WDR4: variants seen among roughly 807,000 people sequenced by gnomAD.
WDR4 encodes tRNA (guanine-N(7)-)-methyltransferase non-catalytic subunit WDR4.
Under a neutral mutation model 48.6 loss-of-function variants are expected in WDR4, and 47 were observed. The ratio of observed to expected loss-of-function variants is 0.97; its 90% CI spans 0.77 to 1.23. WDR4 has a LOEUF of 1.23. WDR4 is among the 50% of genes most tolerant of loss of function. WDR4 has a pLI of 0.00. For synonymous variants in WDR4, 268 were observed against 230.0 expected, an observed-to-expected ratio of 1.17 and a Z score of -1.49; for missense variants, 606 against 551.6, an observed-to-expected ratio of 1.10 and a Z score of -0.99.
At position 42,879,535 on chromosome 21, in the gene WDR4, A is replaced by G; in HGVS notation, c.-40T>C. 5 of 1,608,842 alleles carry G rather than the reference A, an allele frequency of 3.1e-6. No individual in the cohort carries two copies. The South Asian group carries it at 3.3e-5, about 11-fold the overall frequency. ...CACCGCCATACACATGTGCCAGCCC[A>G]GAGCCTCTTCCTGTCCGCACCGGTC... On this transcript the variant is annotated 5_prime_UTR_variant, in exon 1 of 11. Transcript: ENST00000398208.
In WDR4 at chr21:42,873,701, AGAG is replaced by A. The variant is rs1415318395; in HGVS notation, c.156-13_156-11del. ...CAAGGGCGCGTCCTCCCTGAGGAAGAGAGGAGGAAGACGGTTAAGCTTCACCTA... is the reference window on the plus strand; with the variant it reads ...CAAGGGCGCGTCCTCCCTGAGGAAGAGAGGAAGACGGTTAAGCTTCACCTA... On this transcript the variant is annotated splice_polypyrimidine_tract_variant and intron_variant, in intron 2 of 10. Coordinates refer to ENST00000398208, the MANE Select transcript of WDR4 (RefSeq NM_018669.6). The A allele has an allele frequency of 6.2e-7, 1 of 1,611,880 alleles. No homozygotes were observed. Among genetic ancestry groups the A allele is most frequent in the Non-Finnish European group, 8.5e-7 (1 of 1,178,758 alleles).
At chr21:42,869,870 G>T (rs1383979926) in intron 3 of WDR4, among the ~76,000 whole-genome samples, 2 of 151,808 alleles carry the variant, frequency 1.3e-5, no homozygotes, top group African/African-American at 2.4e-5. Context: ...AAAATTAGCC[G>T]GTCGTGGTGG....
At chr21:42,863,179 G>A (rs1164544737) in intron 4 of WDR4, among the ~76,000 whole-genome samples, 1 of 152,074 alleles carries the variant, frequency 6.6e-6, no homozygotes, top group African/African-American at 2.4e-5. Flanking sequence ...CCACTCCCCT[G>A]CTCCCAAATC....
chr21:42,853,418 C>A, intron 9 of WDR4, 151 bp downstream of exon 9: 1 of 926,646 alleles, frequency 1.1e-6, no homozygotes, highest in East Asian at 2.7e-5. Context: ...GAAGCCCCAG[C>A]CACTGCCATT....
chr21:42,844,389 A>G (rs894314140), downstream of WDR4, among the ~76,000 whole-genome samples: 2 of 152,230 alleles, frequency 1.3e-5, no homozygotes, highest in Non-Finnish European at 1.5e-5. Flanking sequence ...ATACATGATG[A>G]CTATCATGTA....
In WDR4 at chr21:42,852,332, C is replaced by T. The variant is rs765997179; in HGVS notation, c.976-8G>A. 19 of 1,613,606 alleles carry T rather than the reference C, an allele frequency of 1.2e-5. No homozygotes were observed. The highest frequency in any genetic ancestry group is 9.3e-5 in the African/African-American group (7 of 74,928). On this transcript the variant is annotated splice_region_variant and splice_polypyrimidine_tract_variant and intron_variant, in intron 9 of 10. Transcript: ENST00000398208. ...GGTGCTCTCAGGAACAGACTGCAGGCGACAAACAGGAAATCTTCATCAGAA... is the reference window on the plus strand; with the variant it reads ...GGTGCTCTCAGGAACAGACTGCAGGTGACAAACAGGAAATCTTCATCAGAA...
At chr21:42,853,876 C>T in intron 8 of WDR4, 124 bp from the exon 9 acceptor site, 1 of 1,044,546 alleles carries the variant, frequency 9.6e-7, no homozygotes, top group African/African-American at 1.6e-5. Flanking sequence ...CGCTGAAAGC[C>T]CCAGCTGCGC....
At chr21:42,864,629 CAG>C (rs1288310695) in intron 3 of WDR4, among the ~76,000 whole-genome samples, 1 of 152,188 alleles carries the variant, frequency 6.6e-6, no homozygotes, top group African/African-American at 2.4e-5. Context: ...AACCCCGACC[CAG>C]AGTCATGGAT....
At position 42,852,330 on chromosome 21, in the gene WDR4, G is replaced by T. The variant is rs552794588; in HGVS notation, c.976-6C>A. On this transcript the variant is annotated splice_region_variant and splice_polypyrimidine_tract_variant and intron_variant, in intron 9 of 10. Coordinates refer to ENST00000398208, the MANE Select transcript of WDR4 (RefSeq NM_018669.6). ...ACGGTGCTCTCAGGAACAGACTGCAGGCGACAAACAGGAAATCTTCATCAG... is the reference window on the plus strand; with the variant it reads ...ACGGTGCTCTCAGGAACAGACTGCATGCGACAAACAGGAAATCTTCATCAG... The T allele has an allele frequency of 6.2e-7, 1 of 1,613,868 alleles. No homozygotes were observed. Among genetic ancestry groups the T allele is most frequent in the South Asian group, 1.1e-5 (1 of 90,980 alleles).
At chr21:42,892,088 C>T in the WDR4 span, among the ~76,000 whole-genome samples, 3 of 150,340 alleles carry the variant, frequency 2.0e-5, no homozygotes, top group African/African-American at 7.4e-5. Context: ...CCTGTCTCTA[C>T]TAAAAATTAC....
chr21:42,883,192 T>C (rs562424150), upstream of WDR4, among the ~76,000 whole-genome samples: 8 of 150,242 alleles, frequency 5.3e-5, no homozygotes, highest in East Asian at 1.9e-4. Context: ...CGAGAATCAC[T>C]TGAACCGAGG....
downstream of WDR4, among the ~76,000 whole-genome samples, chr21:42,845,963 T>C (rs970562727): frequency 6.6e-6 from 1 of 151,726 alleles, no homozygotes; most frequent in Non-Finnish European, 1.5e-5. Context: ...CAAGACACCA[T>C]CTCTACAAAA....
upstream of WDR4, chr21:42,883,611 G>A (rs886520152): frequency 2.0e-5 from 3 of 153,660 alleles, no homozygotes; most frequent in Non-Finnish European, 2.9e-5. Context: ...AGAAGAGAAG[G>A]GAGAAGACAG....
rs1430775995 is a variant in WDR4, at chr21:42,850,172, C to T, written c.1116G>A (p.Leu372=). 3 of 1,614,072 alleles carry T rather than the reference C, an allele frequency of 1.9e-6. No individual in the cohort carries two copies. The highest frequency in any genetic ancestry group is 1.7e-5 in the Admixed American group (1 of 60,012). ...GCTGCAGTCTCTCCTCTTTCTTCTT[C>T]AGGTAGGAGGTCACGTTGTCGAACG... The part of the protein sequence containing the change: ...KATFDNVTSY[L]KKKEERLQQQ... Residue 372 remains leucine (L), a synonymous_variant, in exon 11 of 11, where the codon CTG becomes CTA. Coordinates refer to ENST00000398208, the MANE Select transcript of WDR4 (RefSeq NM_018669.6).
At chr21:42,863,029 C>A (rs141984007) in intron 4 of WDR4, among the ~76,000 whole-genome samples, 2 of 152,154 alleles carry the variant, frequency 1.3e-5, no homozygotes, top group Admixed American at 6.5e-5. Flanking sequence ...GCCAAGGAGG[C>A]GGAGCCAGAG....
chr21:42,877,723 G>C (rs1203235974), intron 1 of WDR4, among the ~76,000 whole-genome samples: 1 of 152,014 alleles, frequency 6.6e-6, no homozygotes, highest in Non-Finnish European at 1.5e-5. Flanking sequence ...ATTCTTTTAG[G>C]CACCACAAAA....
chr21:42,864,787 G>A (rs890277299), intron 3 of WDR4, among the ~76,000 whole-genome samples: 2 of 152,140 alleles, frequency 1.3e-5, no homozygotes, highest in East Asian at 1.9e-4. Context: ...GAATCGTCCC[G>A]TATTTATGTC....
the WDR4 span, among the ~76,000 whole-genome samples, chr21:42,889,683 A>C: frequency 1.3e-5 from 2 of 152,164 alleles, no homozygotes; most frequent in African/African-American, 2.4e-5. Context: ...GGTCATTTGA[A>C]ATTATGCCTG....
At chr21:42,881,508 C>A (rs2058610739), upstream of WDR4, among the ~76,000 whole-genome samples, 1 of 152,198 alleles carries the variant, frequency 6.6e-6, no homozygotes, top group South Asian at 2.1e-4. Context: ...TGATCTTTTT[C>A]AAGTCCCAGA....
Sources: gnomAD v4.1 joint callset for allele counts (sites outside exome capture counted in the v4.1 genomes callset) on GRCh38, gnomAD v4.1.1 for gene constraint, MANE v1.5 for transcripts, NCBI Gene and HGNC (gene_info 2026-07-23, HGNC 2026-07-21) for gene names.